Variants in TMC2 observed in about 807,000 individuals in gnomAD.
TMC2 encodes transmembrane channel like 2, also known as transmembrane channel-like protein 2.
TMC2 carries 102 observed loss-of-function variants against 105.9 expected under a neutral mutation model. The observed-to-expected ratio is 0.96, with a 90% confidence interval of 0.82 to 1.14. TMC2 has a LOEUF of 1.14. Ranked by LOEUF, TMC2 falls within the 50% of genes most tolerant of loss-of-function variation. The pLI is 0.00. For missense variants in TMC2, 1,093 were observed against 1,134.3 expected (o/e 0.96, Z 0.52); for synonymous variants, 402 against 422.8 (o/e 0.95, Z 0.60).
intron 2 of TMC2, among the ~76,000 whole-genome samples, chr20:2,554,737 A>G (rs2085976014): frequency 6.6e-6 from 1 of 152,102 alleles, no homozygotes; most frequent in Non-Finnish European, 1.5e-5. Flanking sequence ...ATATTTTGGT[A>G]TTTTCCAGCT....
chr20:2,575,640 A>G (rs575845807), intron 5 of TMC2, among the ~76,000 whole-genome samples: 3 of 152,264 alleles, frequency 2.0e-5, no homozygotes, highest in African/African-American at 4.8e-5. Flanking sequence ...ATCTTTGATA[A>G]ATGATTCTGT....
chr20:2,636,901 G>A (rs1280279163), intron 18 of TMC2, among the ~76,000 whole-genome samples: 6 of 152,092 alleles, frequency 3.9e-5, no homozygotes, highest in African/African-American at 7.2e-5. Flanking sequence ...GTGAGCCACC[G>A]TGCCCAGCCC....
chr20:2,608,300 T>TTTATTTTTTTTTA (rs369930519), intron 11 of TMC2, among the ~76,000 whole-genome samples: 4 of 134,602 alleles, frequency 3.0e-5, no homozygotes, highest in African/African-American at 1.1e-4. Context: ...CTTATTTTTA[T>TTTATTTTTTTTTA]TTATTATTAT....
chr20:2,614,005 T>C (rs886873374), intron 14 of TMC2: 1 of 151,914 alleles, frequency 6.6e-6, no homozygotes, highest in African/African-American at 2.4e-5. Flanking sequence ...GTATCCCTCA[T>C]CCTGGCCTGG....
intron 12 of TMC2, among the ~76,000 whole-genome samples, chr20:2,611,850 ATGGATGGATGGATGGATGGG>A (rs1568524020): frequency 2.7e-5 from 3 of 111,444 alleles, no homozygotes; most frequent in East Asian, 2.9e-4. Flanking sequence ...GGATGGATGG[ATGGATGGATGGATGGATGGG>A]TGGGTGGGTG....
intron 17 of TMC2, among the ~76,000 whole-genome samples, chr20:2,624,985 C>A (rs1277853701): frequency 6.6e-6 from 1 of 151,644 alleles, no homozygotes. Context: ...CTGGTTCCTT[C>A]ATCACTGTCC....
In TMC2 at chr20:2,617,128, C is replaced by A. The variant is rs1277976603; in HGVS notation, c.1997C>A (p.Thr666Asn). 6.2e-7 allele frequency: 1 copy of A among 1,614,206 alleles called. No homozygotes were observed. Among genetic ancestry groups the A allele is most frequent in the Non-Finnish European group, 8.5e-7 (1 of 1,180,026 alleles). Residue 666 changes from threonine to asparagine, a missense_variant, in exon 16 of 20, where the codon ACC (threonine) becomes AAC (asparagine). By Grantham distance (65) the Thr-to-Asn change is moderately conservative. Transcript: ENST00000358864. ...GGCATTAATGTGCTGCGCCTGCTGACCTCCATGTACTTCCAGTGCTGGGCG... is the reference window on the plus strand; with the variant it reads ...GGCATTAATGTGCTGCGCCTGCTGAACTCCATGTACTTCCAGTGCTGGGCG... ...LVGINVLRLLTSMYFQCWAVM... is the reference protein window; with the variant it reads ...LVGINVLRLLNSMYFQCWAVM...
At position 2,547,713 on chromosome 20, in the gene TMC2, G is replaced by A. The variant is rs78258729; in HGVS notation, c.82+10397G>A. Among the ~76,000 whole-genome samples, 256 of 151,980 alleles carry A rather than the reference G, an allele frequency of 1.7e-3. 2 individuals carry two copies. In the East Asian group the frequency reaches 0.031, roughly 19 times the overall value. ...AAAATTGTCTGGAGAGTTGAACACAGGAATAACATTTGGCTACTCATTTGA... is the reference window on the plus strand; with the variant it reads ...AAAATTGTCTGGAGAGTTGAACACAAGAATAACATTTGGCTACTCATTTGA... On this transcript the variant is annotated intron_variant, in intron 2 of 19. Transcript: ENST00000358864.
intron 7 of TMC2, among the ~76,000 whole-genome samples, chr20:2,586,241 T>C (rs960944005): frequency 5.9e-5 from 9 of 152,098 alleles, no homozygotes; most frequent in African/African-American, 2.2e-4. Flanking sequence ...CTCTTTACCA[T>C]GAGACTAAAA....
At chr20:2,599,642 A>G (rs570881670) in intron 10 of TMC2, among the ~76,000 whole-genome samples, 4 of 140,436 alleles carry the variant, frequency 2.8e-5, no homozygotes, top group Admixed American at 8.0e-5. Flanking sequence ...GTCTCTCACT[A>G]TGTTGCCCAG....
At chr20:2,600,987 A>C (rs1191732624) in intron 10 of TMC2, among the ~76,000 whole-genome samples, 1 of 8,574 alleles carries the variant, frequency 1.2e-4, no homozygotes, top group South Asian at 4.1e-3. Context: ...ACTGTCTCAG[A>C]AAAAAAAAAA....
At chr20:2,548,353 T>TA (rs1232927671) in intron 2 of TMC2, among the ~76,000 whole-genome samples, 1 of 152,212 alleles carries the variant, frequency 6.6e-6, no homozygotes, top group African/African-American at 2.4e-5. Flanking sequence ...ACTTAGAAAT[T>TA]AGTGGCCAGG....
chr20:2,607,296 C>T (rs529400328), intron 11 of TMC2, among the ~76,000 whole-genome samples: 4 of 152,156 alleles, frequency 2.6e-5, no homozygotes, highest in Non-Finnish European at 5.9e-5. Context: ...AGAGCTCCTG[C>T]CTCTCATCCC....
rs202220836 is a variant in TMC2, at chr20:2,592,415, T to C, written c.933+7T>C. The C allele has an allele frequency of 5.1e-6, 8 of 1,581,706 alleles. No individual in the cohort carries two copies. Among genetic ancestry groups the C allele is most frequent in the African/African-American group, 4.0e-5 (3 of 74,326 alleles). On this transcript the variant is annotated splice_region_variant and intron_variant, in intron 8 of 19. Coordinates refer to ENST00000358864, the MANE Select transcript of TMC2 (RefSeq NM_080751.3). This position sits in a 1 kb window ranked among gnomAD's most constrained non-coding sequence, Gnocchi z 4.9. ...TGTCCTTTGGGATTTTGAGGTACTA[T>C]TGTCAACATGCCAATGAACTTCCAT...
chr20:2,591,765 G>C (rs984401115), intron 7 of TMC2, among the ~76,000 whole-genome samples: 1 of 151,562 alleles, frequency 6.6e-6, no homozygotes, highest in African/African-American at 2.4e-5. Context: ...GAAAAGGAAA[G>C]GAAAAGAAAA....
intron 2 of TMC2, among the ~76,000 whole-genome samples, chr20:2,548,261 C>T (rs1381625552): frequency 6.6e-6 from 1 of 152,176 alleles, no homozygotes; most frequent in African/African-American, 2.4e-5. Flanking sequence ...TATAACTTCT[C>T]TGTGGCATGT....
Position 2,592,428 on chromosome 20 carries a change from A to G in TMC2, c.933+20A>G, listed in dbSNP as rs1255977322. On this transcript the variant is annotated intron_variant, in intron 8 of 19. Transcript: ENST00000358864. The surrounding 1 kb of genome is among the most constrained non-coding windows in gnomAD (Gnocchi z 4.9). ...TTTGAGGTACTATTGTCAACATGCC[A>G]ATGAACTTCCATTTGTGATTATAAA... 1.3e-6 allele frequency: 2 copies of G among 1,483,860 alleles called. No individual in the cohort carries two copies. The highest frequency in any genetic ancestry group is 2.3e-5 in the East Asian group (1 of 44,286). The allele number at this position is 1,483,860 out of a possible 1,614,324, so 91.9% of individuals were successfully genotyped here. A position where few individuals can be genotyped will look rare whatever the true frequency, so the allele number is the denominator to read the frequency against.
intron 2 of TMC2, among the ~76,000 whole-genome samples, chr20:2,552,874 C>T (rs1204098438): frequency 1.3e-5 from 2 of 152,030 alleles, no homozygotes; most frequent in East Asian, 3.9e-4. Context: ...CTTTAAATTT[C>T]AGTTGTTCAT....
rs777979232 is a variant in TMC2 at position 2,610,420 on chromosome 20, T to C, written c.1415T>C (p.Val472Ala). ...ACGTAGGCTTTCCTGATTCCTCAGG[T>C]AGAGATCGTGATGTCCCTGCTTGGA... The part of the protein sequence containing the change: ...QNVSWYERNE[V>A]EIVMSLLGMF... The change falls in exon 12 of 20, where the codon GTA becomes GCA. Residue 472 changes from valine to alanine, a missense_variant and splice_region_variant. Transcript: ENST00000358864. 5.0e-6 allele frequency: 8 copies of C among 1,610,516 alleles called. No homozygotes were observed. The highest frequency in any genetic ancestry group is 2.2e-5 in the East Asian group (1 of 44,574).
Sources: allele counts gnomAD v4.1 joint callset (sites outside exome capture counted in the v4.1 genomes callset), GRCh38; gene constraint gnomAD v4.1.1; non-coding constraint Gnocchi (gnomAD v3.1); transcripts MANE v1.5; gene names NCBI Gene and HGNC (gene_info 2026-07-23, HGNC 2026-07-21).